NRG3: variants seen among roughly 807,000 people sequenced by gnomAD.
NRG3 encodes the protein neuregulin 3.
Under a neutral mutation model 66.9 loss-of-function variants are expected in NRG3, and 31 were observed. That is an observed-to-expected ratio of 0.46 (90% CI 0.35 to 0.63). The LOEUF is 0.63. Ranked by LOEUF, NRG3 falls within the 20% of genes least tolerant of loss-of-function variation. The pLI is 0.00. For missense variants in NRG3, 910 were observed against 878.9 expected, an observed-to-expected ratio of 1.04 and a Z score of -0.45; for synonymous variants, 393 against 359.4, an observed-to-expected ratio of 1.09 and a Z score of -1.06.
chr10:81,994,996 T>G (rs17648154), intron 1 of NRG3, among the ~76,000 whole-genome samples: 5,033 of 152,278 alleles, frequency 0.033, 106 homozygotes, highest in Non-Finnish European at 0.048. Context: ...TTTTCAGATT[T>G]CTTTCTTATG....
At chr10:82,036,365 G>C (rs745859664) in intron 1 of NRG3, among the ~76,000 whole-genome samples, 3 of 152,166 alleles carry the variant, frequency 2.0e-5, no homozygotes, top group Admixed American at 1.3e-4. Flanking sequence ...ATCTGCTTTC[G>C]TAAGTACATC....
intron 1 of NRG3, among the ~76,000 whole-genome samples, chr10:82,052,650 T>C (rs150771736): frequency 1.4e-3 from 209 of 152,324 alleles, no homozygotes; most frequent in African/African-American, 4.9e-3. Context: ...ATTAAGAGGA[T>C]GGTGAACTCT....
intron 2 of NRG3, among the ~76,000 whole-genome samples, chr10:82,414,130 A>T (rs1344368348): frequency 6.6e-6 from 1 of 152,128 alleles, no homozygotes; most frequent in Non-Finnish European, 1.5e-5. Context: ...TCAGCTTTTG[A>T]CATGCCTCCC....
intron 3 of NRG3, among the ~76,000 whole-genome samples, chr10:82,859,899 A>G (rs1182389733): frequency 1.3e-5 from 2 of 152,074 alleles, no homozygotes; most frequent in Non-Finnish European, 2.9e-5. Context: ...TCAAATTTCC[A>G]AGTGTTTTCC....
At chr10:82,253,075 C>T (rs563164830) in intron 1 of NRG3, among the ~76,000 whole-genome samples, 1 of 152,326 alleles carries the variant, frequency 6.6e-6, no homozygotes, top group African/African-American at 2.4e-5. Context: ...GTCTAAGCCA[C>T]ACATTTCATC....
At chr10:82,353,311 G>A (rs993588511) in intron 1 of NRG3, among the ~76,000 whole-genome samples, 2 of 152,170 alleles carry the variant, frequency 1.3e-5, no homozygotes, top group African/African-American at 4.8e-5. Context: ...CAACTCAGTA[G>A]TTAATATTCA....
At chr10:82,584,849 G>A (rs1249272060) in intron 2 of NRG3, among the ~76,000 whole-genome samples, 1 of 152,112 alleles carries the variant, frequency 6.6e-6, no homozygotes, top group Non-Finnish European at 1.5e-5. Flanking sequence ...CTCATTTGAA[G>A]GTATGTTCTG....
chr10:82,807,781 C>T (rs1476088956), intron 3 of NRG3, among the ~76,000 whole-genome samples: 2 of 152,126 alleles, frequency 1.3e-5, no homozygotes, highest in Non-Finnish European at 2.9e-5. Context: ...CCCTTTTTCC[C>T]TGTTTCCTGT....
intron 3 of NRG3, among the ~76,000 whole-genome samples, chr10:82,752,800 T>A (rs188980849): frequency 3.0e-4 from 46 of 152,300 alleles, no homozygotes; most frequent in Non-Finnish European, 3.5e-4. Flanking sequence ...GCAGTATAAG[T>A]ACAAGGGCCT....
intron 3 of NRG3, among the ~76,000 whole-genome samples, chr10:82,831,070 G>A (rs1417801045): frequency 2.6e-5 from 4 of 152,248 alleles, no homozygotes; most frequent in South Asian, 2.1e-4. Flanking sequence ...ACCTATTTAT[G>A]TCCCTCCTTT....
intron 1 of NRG3, among the ~76,000 whole-genome samples, chr10:82,233,130 C>T (rs935430699): frequency 1.6e-4 from 25 of 152,226 alleles, no homozygotes; most frequent in Non-Finnish European, 3.2e-4. Flanking sequence ...TTCGGGAGGC[C>T]GAGGCAGGCG....
chr10:82,136,695 A>G (rs1487356163), intron 1 of NRG3, among the ~76,000 whole-genome samples: 4 of 151,936 alleles, frequency 2.6e-5, no homozygotes, highest in African/African-American at 7.3e-5. Flanking sequence ...GCTATCTCTG[A>G]TGTTTATTCA....
At chr10:82,355,395 G>A (rs527683371) in intron 1 of NRG3, among the ~76,000 whole-genome samples, 1 of 152,290 alleles carries the variant, frequency 6.6e-6, no homozygotes, top group African/African-American at 2.4e-5. Context: ...TCTTATTTAT[G>A]TTCTATTTTA....
In NRG3 at chr10:82,657,328, A is replaced by T. The variant is rs1326172625; in HGVS notation, c.954-81249A>T. The stretch of plus-strand genomic sequence containing the variant: ...TGTCAAGAATATATATCAATGTTTG[A>T]GATACAGGGAGTGCTAGTCAAGTAC... On this transcript the variant is annotated intron_variant, in intron 2 of 8. Coordinates refer to ENST00000372141, the MANE Select transcript of NRG3 (RefSeq NM_001010848.4). 2.6e-5 allele frequency among the ~76,000 whole-genome samples: 4 copies of T among 152,198 alleles called. No homozygotes were observed. The East Asian group carries it at 7.7e-4, about 29-fold the overall frequency.
chr10:82,327,646 T>C (rs2081943546), intron 1 of NRG3, among the ~76,000 whole-genome samples: 1 of 152,186 alleles, frequency 6.6e-6, no homozygotes, highest in African/African-American at 2.4e-5. Context: ...TTGCCTTTCT[T>C]TGTGTTCACA....
intron 1 of NRG3, among the ~76,000 whole-genome samples, chr10:81,963,125 CTTTTTTTTTT>C (rs777026850): frequency 0.021 from 1,463 of 70,114 alleles, 28 homozygotes; most frequent in African/African-American, 0.062. Flanking sequence ...CACGAGGGCT[CTTTTTTTTTT>C]TTTTTTTTTT....
chr10:82,610,303 C>CATTATATATGCA (rs74503461), intron 2 of NRG3, among the ~76,000 whole-genome samples: 1 of 152,002 alleles, frequency 6.6e-6, no homozygotes, highest in Non-Finnish European at 1.5e-5. Context: ...TGCAGAGACC[C>CATTATATATGCA]TCTTGCCGTG....
intron 1 of NRG3, among the ~76,000 whole-genome samples, chr10:82,132,483 T>TC (rs2068924833): frequency 9.7e-6 from 1 of 102,760 alleles, no homozygotes; most frequent in African/African-American, 5.2e-5. Context: ...ATATATGATA[T>TC]ATATATATGA....
At chr10:82,329,394 G>A (rs1352198850) in intron 1 of NRG3, among the ~76,000 whole-genome samples, 1 of 137,262 alleles carries the variant, frequency 7.3e-6, no homozygotes, top group Non-Finnish European at 1.5e-5. Flanking sequence ...TGAGTGCTAA[G>A]TTTTTTTGTT....
Sources: gnomAD v4.1 joint callset for allele counts (sites outside exome capture counted in the v4.1 genomes callset) on GRCh38, gnomAD v4.1.1 for gene constraint, MANE v1.5 for transcripts, NCBI Gene and HGNC (gene_info 2026-07-23, HGNC 2026-07-21) for gene names.